Variants in TMEM132B observed in about 807,000 individuals in gnomAD.
TMEM132B encodes the protein transmembrane protein 132B.
In TMEM132B, 18 loss-of-function variants were observed where a neutral mutation model predicts 90.8. The ratio of observed to expected loss-of-function variants is 0.20; its 90% confidence interval spans 0.14 to 0.29. The LOEUF (loss-of-function observed/expected upper bound fraction) is 0.29, where lower values mean the gene tolerates loss of function less well. Among genes scored for constraint, TMEM132B ranks in the 10% least tolerant of loss-of-function variants. TMEM132B has a pLI of 1.00. For missense variants in TMEM132B, 1,096 were observed against 1,326.8 expected, an observed-to-expected ratio of 0.83 and a Z score of 2.70; for synonymous variants, 504 against 523.3, an observed-to-expected ratio of 0.96 and a Z score of 0.50.
intron 4 of TMEM132B, among the ~76,000 whole-genome samples, chr12:125,546,404 C>T (rs1381981419): frequency 6.6e-6 from 1 of 152,068 alleles, no homozygotes; most frequent in African/African-American, 2.4e-5. Context: ...GGATGATCTC[C>T]ATCTCCTCAC....
At chr12:125,506,272 T>G (rs1431141055) in intron 3 of TMEM132B, among the ~76,000 whole-genome samples, 1 of 152,220 alleles carries the variant, frequency 6.6e-6, no homozygotes, top group Non-Finnish European at 1.5e-5. Context: ...GGATACAAAT[T>G]ATATTCTGTG....
At chr12:125,563,005 A>G (rs2136800670) in intron 4 of TMEM132B, among the ~76,000 whole-genome samples, 1 of 152,072 alleles carries the variant, frequency 6.6e-6, no homozygotes. Flanking sequence ...AGAGGGAGAG[A>G]GACAGGGGAA....
At chr12:125,245,535 G>A (rs1304685690) in intron 1 of TMEM132B, among the ~76,000 whole-genome samples, 1 of 152,206 alleles carries the variant, frequency 6.6e-6, no homozygotes, top group Non-Finnish European at 1.5e-5. Context: ...AGGATGGGGG[G>A]CTTCGATGGG....
chr12:125,536,400 C>T (rs912920906), intron 4 of TMEM132B, among the ~76,000 whole-genome samples: 3 of 152,120 alleles, frequency 2.0e-5, no homozygotes, highest in Admixed American at 2.0e-4. Flanking sequence ...TTTTTTGTAC[C>T]ATAAACCTCC....
chr12:125,595,287 C>T (rs752727715), intron 5 of TMEM132B, among the ~76,000 whole-genome samples: 4 of 152,168 alleles, frequency 2.6e-5, no homozygotes, highest in Non-Finnish European at 5.9e-5. Context: ...TATGAATAGA[C>T]TTGAATGTAG....
intron 1 of TMEM132B, among the ~76,000 whole-genome samples, chr12:125,329,640 G>A (rs532441465): frequency 2.6e-4 from 40 of 152,284 alleles, no homozygotes; most frequent in East Asian, 5.8e-4. Context: ...ATTCCCTAAC[G>A]GATGTCTCAG....
intron 1 of TMEM132B, among the ~76,000 whole-genome samples, chr12:125,196,100 G>A (rs1872919801): frequency 6.6e-6 from 1 of 152,224 alleles, no homozygotes; most frequent in Non-Finnish European, 1.5e-5. Flanking sequence ...CCAGGCAAGT[G>A]ACAATGGCTG....
chr12:125,415,113 G>A lies in TMEM132B; in HGVS notation c.960-418G>A, dbSNP rs1451332527. 1.3e-5 allele frequency among the ~76,000 whole-genome samples: 2 copies of A among 152,088 alleles called. No individual in the cohort carries two copies. The highest frequency in any genetic ancestry group is 2.9e-5 in the Non-Finnish European group (2 of 68,014). ...AATGGCCTCCTCTTCCATCCCCTGG[G>A]CTGTGTGATCTTCTGGCCTTGCACA... On this transcript the variant is annotated intron_variant, in intron 2 of 8. Transcript: ENST00000682704. This position sits in a 1 kb window ranked among gnomAD's most constrained non-coding sequence, Gnocchi z 5.3.
chr12:125,243,053 A>G (rs1000374702), intron 1 of TMEM132B, among the ~76,000 whole-genome samples: 1 of 144,296 alleles, frequency 6.9e-6, no homozygotes, highest in South Asian at 2.2e-4. Context: ...ACACACACAC[A>G]TACATATATA....
At position 125,449,522 on chromosome 12, in the gene TMEM132B, G is replaced by T. The variant is rs568558997; in HGVS notation, c.1106+33845G>T. On this transcript the variant is annotated intron_variant, in intron 3 of 8. Coordinates refer to ENST00000682704, the MANE Select transcript of TMEM132B (RefSeq NM_001366854.1). ...TATCAATTTTTTTAATGTTTCCCAA[G>T]AATTAGTTTTTCATTTTATTGCTTT... Among the ~76,000 whole-genome samples, 86 of 152,000 alleles carry T rather than the reference G, an allele frequency of 5.7e-4. 1 individual carries two copies. Among genetic ancestry groups the T allele is most frequent in the African/African-American group, 2.1e-3 (85 of 41,462 alleles).
In TMEM132B at chr12:125,252,486, G is replaced by A. The variant is rs775295887; in HGVS notation, c.67+65620G>A. Among the ~76,000 whole-genome samples the A allele has an allele frequency of 4.6e-5, 7 of 152,254 alleles. No homozygotes were observed. The East Asian group carries it at 5.8e-4, about 13-fold the overall frequency. ...ATTGGCTCACCTACAAGCAGGTGTC[G>A]TGCGCTGGTCCAATCAGCTATGGCC... On this transcript the variant is annotated intron_variant, in intron 1 of 8. Transcript: ENST00000682704.
intron 1 of TMEM132B, among the ~76,000 whole-genome samples, chr12:125,215,069 C>A (rs376611468): frequency 3.3e-4 from 51 of 152,354 alleles, no homozygotes; most frequent in African/African-American, 1.1e-3. Context: ...CCCCTATTGC[C>A]AGCCTCTTGG....
chr12:125,518,021 G>A (rs1231962001), intron 3 of TMEM132B, among the ~76,000 whole-genome samples: 1 of 152,158 alleles, frequency 6.6e-6, no homozygotes, highest in African/African-American at 2.4e-5. Context: ...GGGCACTGTG[G>A]TATCAGAGAG....
chr12:125,363,675 A>G (rs1365903689), intron 2 of TMEM132B, among the ~76,000 whole-genome samples: 2 of 152,098 alleles, frequency 1.3e-5, no homozygotes, highest in Non-Finnish European at 2.9e-5. Context: ...CTTCTTTTCA[A>G]TGATCTTCAG....
intron 4 of TMEM132B, among the ~76,000 whole-genome samples, chr12:125,549,027 A>G (rs1255660016): frequency 6.6e-6 from 1 of 152,242 alleles, no homozygotes; most frequent in African/African-American, 2.4e-5. Flanking sequence ...CCTATTTACT[A>G]TCATCAGAGA....
rs181751960 is a variant in TMEM132B at position 125,555,181 on chromosome 12, G to C, written c.1294-28670G>C. 3.3e-5 allele frequency among the ~76,000 whole-genome samples: 5 copies of C among 152,296 alleles called. No individual in the cohort carries two copies. In the East Asian group the frequency reaches 9.6e-4, roughly 29 times the overall value. On this transcript the variant is annotated intron_variant, in intron 4 of 8. Coordinates refer to ENST00000682704, the MANE Select transcript of TMEM132B (RefSeq NM_001366854.1). The stretch of plus-strand genomic sequence containing the variant: ...TGGAAACTGAAAATTGAACTGTTTT[G>C]TTTGGGGGTTGATGTTACTTAACCA...
chr12:125,194,328 G>C (rs1309051132), intron 1 of TMEM132B, among the ~76,000 whole-genome samples: 2 of 152,136 alleles, frequency 1.3e-5, no homozygotes, highest in Non-Finnish European at 2.9e-5. Flanking sequence ...GTGCCCGGGA[G>C]GGGTGACTCA....
At chr12:125,504,253 A>T (rs2136608255) in intron 3 of TMEM132B, among the ~76,000 whole-genome samples, 1 of 152,360 alleles carries the variant, frequency 6.6e-6, no homozygotes, top group Non-Finnish European at 1.5e-5. Context: ...GATGGCCTTC[A>T]GAGTGTCAAA....
chr12:125,596,675 G>A (rs561641557), intron 5 of TMEM132B, among the ~76,000 whole-genome samples: 4 of 152,228 alleles, frequency 2.6e-5, no homozygotes, highest in South Asian at 2.1e-4. Context: ...AGTGATTGCC[G>A]TGATAAAATA....
Sources: allele counts gnomAD v4.1 joint callset (sites outside exome capture counted in the v4.1 genomes callset), GRCh38; gene constraint gnomAD v4.1.1; non-coding constraint Gnocchi (gnomAD v3.1); transcripts MANE v1.5; gene names NCBI Gene and HGNC (gene_info 2026-07-23, HGNC 2026-07-21).